CLEC20A: variants seen among roughly 807,000 people sequenced by gnomAD.
CLEC20A encodes the protein C-type lectin domain containing 20A.
intron 3 of CLEC20A, among the ~76,000 whole-genome samples, 156 bp from the exon 4 acceptor site, chr1:178,490,593 G>A (rs1245343487): frequency 6.6e-6 from 1 of 152,212 alleles, no homozygotes; most frequent in Non-Finnish European, 1.5e-5. Context: ...TTTATAGGTA[G>A]ACTAAATACC....
At chr1:178,495,275 CAG>C (rs2101879032) in intron 1 of CLEC20A, among the ~76,000 whole-genome samples, 1 of 152,352 alleles carries the variant, frequency 6.6e-6, no homozygotes, top group South Asian at 2.1e-4. Flanking sequence ...AACCAAGTCA[CAG>C]AGAGTTAAAG....
At chr1:178,484,881 T>A (rs1649095009) in intron 5 of CLEC20A, among the ~76,000 whole-genome samples, 1 of 152,134 alleles carries the variant, frequency 6.6e-6, no homozygotes, top group African/African-American at 2.4e-5. Context: ...AGGCCTGGGT[T>A]CCACCCACCC....
exon 4 of CLEC20A, chr1:178,490,233 G>C: frequency 2.5e-6 from 1 of 398,750 alleles, no homozygotes; most frequent in Non-Finnish European, 4.4e-6. Context: ...CCAGCTCAGA[G>C]ATCCGGAGTT....
chr1:178,492,375 G>A (rs1649285975), intron 3 of CLEC20A, 126 bp downstream of exon 3: 2 of 397,870 alleles, frequency 5.0e-6, no homozygotes, highest in South Asian at 1.3e-4. Context: ...CTCCCGGACA[G>A]CCAGGCAGAA....
At chr1:178,495,541 G>T (rs1388099591) in intron 1 of CLEC20A, among the ~76,000 whole-genome samples, 1 of 152,126 alleles carries the variant, frequency 6.6e-6, no homozygotes, top group Middle Eastern at 3.2e-3. Context: ...AGACCTTTTT[G>T]CTTGTCTGTC....
At chr1:178,494,890 G>A (rs1322155804) in intron 1 of CLEC20A, 80 bp from the exon 2 acceptor site, 5 of 398,392 alleles carry the variant, frequency 1.3e-5, no homozygotes, top group African/African-American at 4.1e-5. Flanking sequence ...CCACACTCGG[G>A]TGGGCCTCCC....
intron 3 of CLEC20A, among the ~76,000 whole-genome samples, chr1:178,490,870 C>A (rs570443155): frequency 6.2e-4 from 94 of 152,324 alleles, no homozygotes; most frequent in Non-Finnish European, 1.1e-3. Flanking sequence ...GAAGACAGAA[C>A]AATCTTGGTT....
At chr1:178,497,429 T>C (rs1041787346), upstream of CLEC20A, among the ~76,000 whole-genome samples, 1 of 152,136 alleles carries the variant, frequency 6.6e-6, no homozygotes, top group African/African-American at 2.4e-5. Context: ...TGACTGTAGG[T>C]CATGAGAATC....
chr1:178,487,242 G>C (rs964883793), intron 5 of CLEC20A, among the ~76,000 whole-genome samples: 1 of 152,218 alleles, frequency 6.6e-6, no homozygotes, highest in Non-Finnish European at 1.5e-5. Context: ...CGCGGCCCAG[G>C]TGGCCAGCGA....
chr1:178,488,973 G>T (rs139992298), intron 4 of CLEC20A, among the ~76,000 whole-genome samples: 30 of 152,312 alleles, frequency 2.0e-4, no homozygotes, highest in African/African-American at 6.5e-4. Flanking sequence ...TTTGAGGTGG[G>T]GGGGGCGGTG....
At chr1:178,494,864 C>T in intron 1 of CLEC20A, 54 bp from the exon 2 acceptor site, 1 of 398,944 alleles carries the variant, frequency 2.5e-6, no homozygotes, top group Non-Finnish European at 4.4e-6. Flanking sequence ...GCCCCTAGTC[C>T]TCAAAGAGCT....
chr1:178,486,689 T>G (rs998745431), intron 5 of CLEC20A: 1 of 398,352 alleles, frequency 2.5e-6, no homozygotes. Flanking sequence ...AGTGTGGGGC[T>G]CGAAGCGGAG....
chr1:178,488,652 G>A (rs753238391), intron 4 of CLEC20A, 53 bp from the exon 5 acceptor site: 23 of 398,582 alleles, frequency 5.8e-5, no homozygotes, highest in Non-Finnish European at 8.8e-5. Context: ...CCCAGCAGGT[G>A]AGTGGCCACC....
chr1:178,486,236 G>A (rs551608051), intron 5 of CLEC20A, among the ~76,000 whole-genome samples: 2 of 152,286 alleles, frequency 1.3e-5, no homozygotes, highest in East Asian at 3.9e-4. Context: ...TGTAGGATGC[G>A]CTGGAATGCA....
upstream of CLEC20A, among the ~76,000 whole-genome samples, chr1:178,498,380 C>T (rs1649448750): frequency 6.6e-6 from 1 of 151,896 alleles, no homozygotes; most frequent in Admixed American, 6.6e-5. Context: ...TTGTTTGTGC[C>T]CAGGAATTTG....
At chr1:178,488,654 G>C (rs1649206949) in intron 4 of CLEC20A, 55 bp from the exon 5 acceptor site, 1 of 398,678 alleles carries the variant, frequency 2.5e-6, no homozygotes. Flanking sequence ...CAGCAGGTGA[G>C]TGGCCACCCC....
At chr1:178,496,161 CT>C (rs1160589391) in intron 1 of CLEC20A, 1 of 152,344 alleles carries the variant, frequency 6.6e-6, no homozygotes, top group Non-Finnish European at 1.5e-5. Flanking sequence ...GTGTCCACCC[CT>C]GGCACCCCAG....
At chr1:178,496,526 C>T in intron 1 of CLEC20A, 1 of 219,452 alleles carries the variant, frequency 4.6e-6, no homozygotes. Context: ...CCCCCTGGTC[C>T]ACAGACCCCC....
chr1:178,489,157 G>A lies in CLEC20A; in HGVS notation c.830-558C>T, dbSNP rs563803127. 3.3e-5 allele frequency among the ~76,000 whole-genome samples: 5 copies of A among 152,240 alleles called. No individual in the cohort carries two copies. The East Asian group carries it at 9.7e-4, about 30-fold the overall frequency. On this transcript the variant is annotated intron_variant, in intron 4 of 7. Transcript: ENST00000623247. ...GCGGGTGGATCACTTGAGGTCAGGA[G>A]TTCAAGACCAGCCTGGCTAACATGG...
Sources: gnomAD v4.1 joint callset for allele counts (sites outside exome capture counted in the v4.1 genomes callset) on GRCh38, gnomAD v4.1.1 for gene constraint, MANE v1.5 for transcripts, NCBI Gene and HGNC (gene_info 2026-07-23, HGNC 2026-07-21) for gene names.